Variants in PLCXD1 observed in about 807,000 individuals in gnomAD.
The protein encoded by PLCXD1 is PI-PLC X domain-containing protein 1.
PLCXD1 carries 45 observed loss-of-function variants against 37.8 expected under a neutral mutation model. The ratio of observed to expected loss-of-function variants is 1.19; its 90% CI spans 0.94 to 1.53. PLCXD1 has a LOEUF of 1.53. PLCXD1 is among the 40% of genes most tolerant of loss of function. The probability of loss-of-function intolerance (pLI) is 0.00; values close to 1 mark genes in which losing one functional copy is unlikely to be tolerated. For synonymous variants in PLCXD1, 246 were observed against 206.9 expected (o/e 1.19, Z -1.62); for missense variants, 539 against 454.7 (o/e 1.19, Z -1.69).
At chrX:293,591 C>T (rs1306893495) in intron 6 of PLCXD1, among the ~76,000 whole-genome samples, 1 of 152,166 alleles carries the variant, frequency 6.6e-6, no homozygotes, top group Non-Finnish European at 1.5e-5. Flanking sequence ...GAAACCCTGT[C>T]TCTACTTAAG....
In PLCXD1 at chrX:291,894, G is replaced by A. The variant is rs778075083; in HGVS notation, c.549+240G>A. Among the ~76,000 whole-genome samples, 22 of 152,318 alleles carry A rather than the reference G, an allele frequency of 1.4e-4. No homozygotes were observed. The East Asian group carries it at 3.9e-3, about 27-fold the overall frequency. On this transcript the variant is annotated intron_variant, in intron 5 of 6. Coordinates refer to ENST00000381657, the MANE Select transcript of PLCXD1 (RefSeq NM_018390.4). Reference sequence around the variant, plus strand: ...GAAATGTGTGCAGCGTCAGCCGGGCGCGGTGGCTCACGCCTGTCATCCCAG... The same window carrying A: ...GAAATGTGTGCAGCGTCAGCCGGGCACGGTGGCTCACGCCTGTCATCCCAG...
chrX:284,259 G>A lies in PLCXD1; in HGVS notation c.72G>A (p.Met24Ile), dbSNP rs1329347039. 6.2e-7 allele frequency: 1 copy of A among 1,613,662 alleles called. No homozygotes were observed. Among genetic ancestry groups the A allele is most frequent in the South Asian group, 1.1e-5 (1 of 91,054 alleles). Reference sequence around the variant, plus strand: ...GCAGAAATGCCAACGAGGACTGGATGTCGGCACTGTGTCCCCGGCTCTGGG... The same window carrying A: ...GCAGAAATGCCAACGAGGACTGGATATCGGCACTGTGTCCCCGGCTCTGGG... ...LHCRNANEDW[M>I]SALCPRLWDV... Residue 24 changes from methionine to isoleucine, a missense_variant, in exon 2 of 7, where the codon ATG becomes ATA. Transcript: ENST00000381657.
rs181329945 is a variant in PLCXD1, at chrX:284,564, A to G, written c.127+250A>G. ...TACACACAGGCATGCACACATGTGC[A>G]CACATACACAGGCATACATGCACAC... On this transcript the variant is annotated intron_variant, in intron 2 of 6. Coordinates refer to ENST00000381657, the MANE Select transcript of PLCXD1 (RefSeq NM_018390.4). Among the ~76,000 whole-genome samples, 342 of 147,882 alleles carry G rather than the reference A, an allele frequency of 2.3e-3. 1 individual carries two copies. Among genetic ancestry groups the G allele is most frequent in the African/African-American group, 7.7e-3 (311 of 40,574 alleles).
At chrX:283,326 G>A (rs1464213820) in intron 1 of PLCXD1, 2 of 151,644 alleles carry the variant, frequency 1.3e-5, no homozygotes, top group Non-Finnish European at 2.9e-5. Flanking sequence ...ACAGAGGGAC[G>A]GGGGCTCCAA....
At chrX:291,458 T>A (rs771380301) in intron 4 of PLCXD1, 41 bp from the exon 5 acceptor site, 1 of 1,607,748 alleles carries the variant, frequency 6.2e-7, no homozygotes, top group Non-Finnish European at 8.5e-7. Context: ...CCCTGTGGTG[T>A]TGGAGTCGTG....
intron 2 of PLCXD1, among the ~76,000 whole-genome samples, chrX:288,179 T>G (rs1394301998): frequency 6.6e-6 from 1 of 151,960 alleles, no homozygotes; most frequent in Non-Finnish European, 1.5e-5. Flanking sequence ...TTGAGCATTT[T>G]GAGAGCATGT....
intron 3 of PLCXD1, among the ~76,000 whole-genome samples, chrX:290,130 T>A (rs2069580201): frequency 1.3e-5 from 2 of 152,022 alleles, no homozygotes; most frequent in Non-Finnish European, 2.9e-5. Context: ...GGCTGATTTT[T>A]AAAATTTTTA....
chrX:302,091 C>G lies in PLCXD1; in HGVS notation c.*2756C>G, dbSNP rs886197157. On this transcript the variant is annotated 3_prime_UTR_variant, in exon 7 of 7. Coordinates refer to ENST00000381657, the MANE Select transcript of PLCXD1 (RefSeq NM_018390.4). ...GCCGAAGCCCCTTGAAGGCTGTGGC[C>G]TGGGCTGTTCCCTCATTCATTCCTG... is the stretch of plus-strand genomic sequence containing the variant. The G allele has an allele frequency of 6.6e-6, 1 of 152,352 alleles. No individual in the cohort carries two copies. The highest frequency in any genetic ancestry group is 6.5e-5 in the Admixed American group (1 of 15,286). The allele number at this position is 152,352 out of a possible 1,614,324, so 9.4% of individuals were successfully genotyped here.
At chrX:278,041 G>C (rs1312774627), upstream of PLCXD1, among the ~76,000 whole-genome samples, 4 of 121,568 alleles carry the variant, frequency 3.3e-5, no homozygotes, top group African/African-American at 1.5e-4. Context: ...GACAGGTGTG[G>C]GGATAGGAGC....
At chrX:283,916 T>G (rs1174026172) in intron 1 of PLCXD1, 7 of 356,164 alleles carry the variant, frequency 2.0e-5, no homozygotes, top group Non-Finnish European at 3.6e-5. Flanking sequence ...AGTTTCACTC[T>G]TGTTGCCCAG....
chrX:290,538 C>G, intron 3 of PLCXD1, 110 bp from the exon 4 acceptor site: 1 of 1,164,572 alleles, frequency 8.6e-7, no homozygotes, highest in Non-Finnish European at 1.2e-6. Context: ...ACGACATCCA[C>G]GTCCCAGTGG....
intron 2 of PLCXD1, among the ~76,000 whole-genome samples, chrX:288,335 T>G (rs1195549246): frequency 1.3e-5 from 2 of 151,030 alleles, no homozygotes; most frequent in Non-Finnish European, 3.0e-5. Flanking sequence ...GGATCCTTCC[T>G]GCCTCTCCCA....
upstream of PLCXD1, among the ~76,000 whole-genome samples, chrX:279,834 T>C (rs1207286048): frequency 6.6e-6 from 1 of 151,440 alleles, no homozygotes; most frequent in Non-Finnish European, 1.5e-5. Context: ...TGCATTAAGA[T>C]AAGAGGATGT....
chrX:279,519 C>A (rs1317873093), upstream of PLCXD1, among the ~76,000 whole-genome samples: 1 of 152,174 alleles, frequency 6.6e-6, no homozygotes, highest in East Asian at 1.9e-4. Context: ...CGCCTGTCAT[C>A]CCAGCACTTT....
intron 2 of PLCXD1, 142 bp downstream of exon 2, chrX:284,456 C>A: frequency 1.2e-6 from 1 of 845,812 alleles, no homozygotes; most frequent in Non-Finnish European, 1.9e-6. Flanking sequence ...AGAAAGCACA[C>A]TGATGTGGAC....
At chrX:287,729 A>G (rs2069503988) in intron 2 of PLCXD1, among the ~76,000 whole-genome samples, 1 of 141,500 alleles carries the variant, frequency 7.1e-6, no homozygotes, top group Admixed American at 7.1e-5. Context: ...GATATATGTC[A>G]TATATATCTT....
chrX:293,139 C>G lies in PLCXD1; in HGVS notation c.654C>G (p.Val218=). The change falls in exon 6 of 7, where the codon GTC becomes GTG. Residue 218 remains valine (V), a synonymous_variant. Coordinates refer to ENST00000381657, the MANE Select transcript of PLCXD1 (RefSeq NM_018390.4). ...GGCACCACGAGCTGTGGCCAGGAGTCCCCTACTGGTGGGGAAACAGGGTGA... is the reference window on the plus strand; with the variant it reads ...GGCACCACGAGCTGTGGCCAGGAGTGCCCTACTGGTGGGGAAACAGGGTGA... The part of the protein sequence containing the change: ...LRRHHELWPG[V]PYWWGNRVKT... 6.2e-7 allele frequency: 1 copy of G among 1,612,222 alleles called. No individual in the cohort carries two copies. The highest frequency in any genetic ancestry group is 8.5e-7 in the Non-Finnish European group (1 of 1,179,310).
chrX:291,276 G>T (rs2069625490), intron 4 of PLCXD1, among the ~76,000 whole-genome samples: 1 of 151,874 alleles, frequency 6.6e-6, no homozygotes, highest in African/African-American at 2.4e-5. Flanking sequence ...CTTCCAAGTA[G>T]CTGGGATTAC....
Position 290,799 on chromosome X carries a change from C to T in PLCXD1, c.393+23C>T, listed in dbSNP as rs778360078. On this transcript the variant is annotated intron_variant, in intron 4 of 6. Coordinates refer to ENST00000381657, the MANE Select transcript of PLCXD1 (RefSeq NM_018390.4). ...GAGGTGCGGCCGGGCTGAGGTGGGA[C>T]GCAATGGGGAGAGTGGGAGGCGGCC... is the stretch of plus-strand genomic sequence containing the variant. 33 of 1,592,540 alleles carry T rather than the reference C, an allele frequency of 2.1e-5. 1 individual carries two copies. Among genetic ancestry groups the T allele is most frequent in the South Asian group, 1.5e-4 (13 of 89,046 alleles).
Sources: gnomAD v4.1 joint callset for allele counts (sites outside exome capture counted in the v4.1 genomes callset) on GRCh38, gnomAD v4.1.1 for gene constraint, MANE v1.5 for transcripts, NCBI Gene and HGNC (gene_info 2026-07-23, HGNC 2026-07-21) for gene names.